Variants in MGAT5 observed in about 807,000 individuals in gnomAD.
MGAT5 encodes the protein alpha-1,6-mannosylglycoprotein 6-beta-N-acetylglucosaminyltransferase A.
A neutral mutation model predicts 94.3 loss-of-function variants in MGAT5; 30 were observed. The ratio of observed to expected loss-of-function variants is 0.32; its 90% CI spans 0.24 to 0.43. The LOEUF (loss-of-function observed/expected upper bound fraction) is 0.43, where lower values mean the gene tolerates loss of function less well. Ranked by LOEUF, MGAT5 falls within the 20% of genes least tolerant of loss-of-function variation. The pLI is 1.00. For missense variants in MGAT5, 691 were observed against 905.5 expected (o/e 0.76, Z 3.04); for synonymous variants, 310 against 322.9 (o/e 0.96, Z 0.43).
At chr2:134,342,901 A>AAT (rs1284520116) in intron 7 of MGAT5, among the ~76,000 whole-genome samples, 1 of 152,134 alleles carries the variant, frequency 6.6e-6, no homozygotes, top group Non-Finnish European at 1.5e-5. Flanking sequence ...TATTAAAAAT[A>AAT]ATTACACAAA....
In MGAT5 at chr2:134,179,364, T is replaced by C. The variant is rs533229564; in HGVS notation, c.-143+59073T>C. On this transcript the variant is annotated intron_variant, in intron 1 of 16. Coordinates refer to the MGAT5 transcript ENST00000409645. The stretch of plus-strand genomic sequence containing the variant: ...GTAGTGTTGGCTGTGATTTCAGTGT[T>C]AAAGAATCAGTAACATAAGGTGTCG... Among the ~76,000 whole-genome samples the C allele has an allele frequency of 2.6e-5, 4 of 152,162 alleles. No homozygotes were observed. The South Asian group carries it at 8.3e-4, about 31-fold the overall frequency.
At chr2:134,297,822 A>G (rs1685768994) in intron 2 of MGAT5, among the ~76,000 whole-genome samples, 1 of 152,024 alleles carries the variant, frequency 6.6e-6, no homozygotes, top group Non-Finnish European at 1.5e-5. Flanking sequence ...ATTCAATAAT[A>G]TATTTGTTAA....
chr2:134,266,928 A>G (rs1353746344), intron 1 of MGAT5, among the ~76,000 whole-genome samples: 1 of 152,224 alleles, frequency 6.6e-6, no homozygotes, highest in African/African-American at 2.4e-5. Context: ...TTCCGTCTTC[A>G]TTTTAAGGGA....
intron 9 of MGAT5, among the ~76,000 whole-genome samples, chr2:134,350,195 A>T (rs1271883969): frequency 6.6e-6 from 1 of 152,184 alleles, no homozygotes; most frequent in East Asian, 1.9e-4. Flanking sequence ...AAGTATCTTT[A>T]GAAACTATTT....
At position 134,420,731 on chromosome 2, in the gene MGAT5, C is replaced by T. The variant is rs148010629; in HGVS notation, c.1678-2072C>T. 1.9e-3 allele frequency among the ~76,000 whole-genome samples: 293 copies of T among 152,228 alleles called. 1 individual carries two copies. The highest frequency in any genetic ancestry group is 6.7e-3 in the African/African-American group (280 of 41,520). ...CTCAGCACTGGCAAACCCAATATTT[C>T]CTATTGTTATAAATATGAGATGAAA... On this transcript the variant is annotated intron_variant, in intron 12 of 15. Transcript: ENST00000281923.
intron 1 of MGAT5, among the ~76,000 whole-genome samples, chr2:134,148,329 C>T (rs1210111338): frequency 2.0e-5 from 3 of 152,302 alleles, no homozygotes; most frequent in Non-Finnish European, 2.9e-5. Context: ...AGAATTCTAG[C>T]ACTCTGGCCA....
intron 10 of MGAT5, among the ~76,000 whole-genome samples, chr2:134,374,762 G>C (rs1052464844): frequency 3.9e-5 from 6 of 152,160 alleles, no homozygotes; most frequent in African/African-American, 1.4e-4. Context: ...GAAGGCCGAG[G>C]TGGGCAGATC....
At chr2:134,245,105 C>T (rs575554911) in intron 1 of MGAT5, among the ~76,000 whole-genome samples, 2 of 152,266 alleles carry the variant, frequency 1.3e-5, no homozygotes, top group East Asian at 3.9e-4. Context: ...CTCCGTCTCC[C>T]GGGTTCACGC....
chr2:134,418,913 G>A (rs1684123382), intron 12 of MGAT5, among the ~76,000 whole-genome samples: 1 of 152,140 alleles, frequency 6.6e-6, no homozygotes, highest in South Asian at 2.1e-4. Flanking sequence ...TGTCCAGGTG[G>A]GTTACCCTGT....
At chr2:134,130,460 C>T (rs796777145) in intron 1 of MGAT5, among the ~76,000 whole-genome samples, 13 of 152,392 alleles carry the variant, frequency 8.5e-5, no homozygotes, top group African/African-American at 3.1e-4. Context: ...CTAGGCGAAG[C>T]TAGCTGGGCT....
intron 11 of MGAT5, among the ~76,000 whole-genome samples, chr2:134,406,731 C>A (rs867217404): frequency 4.3e-4 from 58 of 134,310 alleles, no homozygotes; most frequent in Middle Eastern, 3.8e-3. Flanking sequence ...CAAAAAATAC[C>A]AAAAAAAAAA....
chr2:134,245,963 G>A (rs1218023651), intron 1 of MGAT5, among the ~76,000 whole-genome samples: 1 of 152,088 alleles, frequency 6.6e-6, no homozygotes, highest in Non-Finnish European at 1.5e-5. Context: ...AAAACTCTGG[G>A]TACAGGACTG....
chr2:134,140,758 T>A (rs187200431), intron 1 of MGAT5, among the ~76,000 whole-genome samples: 65 of 152,154 alleles, frequency 4.3e-4, no homozygotes, highest in Non-Finnish European at 7.9e-4. Flanking sequence ...ATTAGCAAAA[T>A]GAATTAGCAG....
Position 134,336,203 on chromosome 2 carries a change from C to T in MGAT5, c.574-14C>T. 5 of 1,609,130 alleles carry T rather than the reference C, an allele frequency of 3.1e-6. No homozygotes were observed. Among genetic ancestry groups the T allele is most frequent in the Non-Finnish European group, 3.4e-6 (4 of 1,176,676 alleles). On this transcript the variant is annotated splice_polypyrimidine_tract_variant and intron_variant, in intron 4 of 15. Transcript: ENST00000281923. ...AGATGAAGCTGCATATTTAGTGTCA[C>T]TGATGCTTTTTAGGTTGAAAATTGG...
At chr2:134,144,242 G>A (rs1208627360) in intron 1 of MGAT5, among the ~76,000 whole-genome samples, 1 of 152,154 alleles carries the variant, frequency 6.6e-6, no homozygotes, top group Non-Finnish European at 1.5e-5. Flanking sequence ...AGGCTGTGAG[G>A]AAGCATGATG....
intron 1 of MGAT5, among the ~76,000 whole-genome samples, chr2:134,147,955 G>C (rs1311483973): frequency 2.0e-5 from 3 of 152,202 alleles, no homozygotes; most frequent in Admixed American, 1.3e-4. Context: ...AGTTGTTGCA[G>C]AGATCTCTAA....
intron 2 of MGAT5, among the ~76,000 whole-genome samples, chr2:134,286,275 A>G (rs1310952069): frequency 6.6e-6 from 1 of 152,088 alleles, no homozygotes; most frequent in African/African-American, 2.4e-5. Flanking sequence ...GGCCTGCTGT[A>G]CAGTTGTCGT....
At chr2:134,136,845 G>T (rs1036561811) in intron 1 of MGAT5, among the ~76,000 whole-genome samples, 5 of 152,106 alleles carry the variant, frequency 3.3e-5, no homozygotes, top group Non-Finnish European at 7.4e-5. Flanking sequence ...TGTCAGGTGC[G>T]TTTGTAGAGT....
intron 1 of MGAT5, among the ~76,000 whole-genome samples, chr2:134,264,275 G>A (rs1266499250): frequency 6.6e-6 from 1 of 152,098 alleles, no homozygotes; most frequent in Non-Finnish European, 1.5e-5. Context: ...GTCCCCCTCG[G>A]CCTCCCAAAG....
Sources: allele counts gnomAD v4.1 joint callset (sites outside exome capture counted in the v4.1 genomes callset), GRCh38; gene constraint gnomAD v4.1.1; transcripts MANE v1.5; gene names NCBI Gene and HGNC (gene_info 2026-07-23, HGNC 2026-07-21).